Variants in ADAMTS18 observed in about 807,000 individuals in gnomAD.
ADAMTS18 encodes ADAM metallopeptidase with thrombospondin type 1 motif 18, also known as A disintegrin and metalloproteinase with thrombospondin motifs 18.
Under a neutral mutation model 165.9 loss-of-function variants are expected in ADAMTS18, and 157 were observed. That is an observed-to-expected ratio of 0.95 (90% CI 0.83 to 1.08). ADAMTS18 has a LOEUF of 1.08. Among genes scored for constraint, ADAMTS18 ranks in the 50% least tolerant of loss-of-function variants. The pLI, the probability that ADAMTS18 is intolerant of heterozygous loss-of-function variation, is 0.00. For synonymous variants in ADAMTS18, 782 were observed against 578.2 expected, an observed-to-expected ratio of 1.35 and a Z score of -5.06; for missense variants, 2,040 against 1,534.0, an observed-to-expected ratio of 1.33 and a Z score of -5.51.
At chr16:77,411,934 G>A (rs1984761) in intron 3 of ADAMTS18, among the ~76,000 whole-genome samples, 80,827 of 150,984 alleles carry the variant, frequency 0.54, 22,577 homozygotes, top group Middle Eastern at 0.68. Context: ...TGTTTCACCT[G>A]CCTTAGCCTC....
At chr16:77,402,564 A>G (rs185359939) in intron 3 of ADAMTS18, among the ~76,000 whole-genome samples, 206 of 152,318 alleles carry the variant, frequency 1.4e-3, no homozygotes, top group African/African-American at 4.5e-3. Flanking sequence ...CAACTCTGCG[A>G]GCAAATTTAA....
intron 22 of ADAMTS18, among the ~76,000 whole-genome samples, chr16:77,286,277 TCTGAAGGTGTTTTCCTATTTC>T (rs1269217093): frequency 6.6e-6 from 1 of 152,190 alleles, no homozygotes; most frequent in Non-Finnish European, 1.5e-5. Context: ...ATCATTATAA[TCTGAAGGTGTTTTCCTATTTC>T]CTCACCCCTT....
At chr16:77,413,193 T>C (rs977339646) in intron 3 of ADAMTS18, among the ~76,000 whole-genome samples, 1 of 152,090 alleles carries the variant, frequency 6.6e-6, no homozygotes, top group African/African-American at 2.4e-5. Context: ...ATTCTTTCTG[T>C]AGAATAAAGG....
At chr16:77,339,204 C>T (rs2056360478) in intron 11 of ADAMTS18, among the ~76,000 whole-genome samples, 1 of 151,126 alleles carries the variant, frequency 6.6e-6, no homozygotes, top group Admixed American at 6.6e-5. Flanking sequence ...AGTGATATCC[C>T]CTGGTGAAGG....
intron 19 of ADAMTS18, 56 bp from the exon 20 acceptor site, chr16:77,293,314 T>TAAAA: frequency 8.7e-7 from 1 of 1,145,008 alleles, no homozygotes; most frequent in Non-Finnish European, 1.3e-6. Context: ...GTAGCCACAT[T>TAAAA]AAAAAAAAAA....
chr16:77,434,454 T>C lies in ADAMTS18; in HGVS notation c.142A>G (p.Ser48Gly), dbSNP rs1271836008. ...CCGCTGGCGCCGCTGCTGCTGTCAC[T>C]GGCTAAGGCCGCGGCGACCGACGCA... is the stretch of plus-strand genomic sequence containing the variant. ...CCASVAAALA[S>G]DSSSGASGLN... Residue 48 changes from serine (S) to glycine (G), a missense_variant, in exon 2 of 23, where the codon AGT (serine) becomes GGT (glycine). Coordinates refer to ENST00000282849, the MANE Select transcript of ADAMTS18 (RefSeq NM_199355.4). 1 of 1,574,202 alleles carries C rather than the reference T, an allele frequency of 6.4e-7. No individual in the cohort carries two copies. The highest frequency in any genetic ancestry group is 8.6e-7 in the Non-Finnish European group (1 of 1,165,632).
intron 16 of ADAMTS18, 147 bp downstream of exon 16, chr16:77,319,702 C>A (rs2055953640): frequency 2.9e-6 from 4 of 1,362,950 alleles, no homozygotes; most frequent in Non-Finnish European, 3.1e-6. Flanking sequence ...CTCAGCCTCC[C>A]AAAGTGCTGG....
At position 77,300,373 on chromosome 16, in the gene ADAMTS18, G is replaced by C; in HGVS notation, c.2564C>G (p.Ala855Gly). The change falls in exon 17 of 23, where the codon GCT (alanine) becomes GGT (glycine). Residue 855 changes from alanine to glycine, a missense_variant. Physicochemically the swap from Ala to Gly is moderately conservative, Grantham distance 60. Coordinates refer to ENST00000282849, the MANE Select transcript of ADAMTS18 (RefSeq NM_199355.4). ...ILMQGKNPGI[A>G]WKYALPKVMN... ...GACCTTGGGAAGTGCATACTTCCAA[G>C]CTATCCCTGGATTTTTGCCTTGCAT... is the stretch of plus-strand genomic sequence containing the variant. The C allele has an allele frequency of 1.2e-6, 2 of 1,614,032 alleles. No individual in the cohort carries two copies. Among genetic ancestry groups the C allele is most frequent in the African/African-American group, 1.3e-5 (1 of 75,010 alleles).
intron 3 of ADAMTS18, among the ~76,000 whole-genome samples, chr16:77,422,042 C>T (rs1050287398): frequency 6.6e-6 from 1 of 152,128 alleles, no homozygotes; most frequent in Non-Finnish European, 1.5e-5. Flanking sequence ...ACACAACTTC[C>T]AGAAATAATA....
At chr16:77,363,047 G>C (rs934856475) in intron 6 of ADAMTS18, among the ~76,000 whole-genome samples, 1 of 152,110 alleles carries the variant, frequency 6.6e-6, no homozygotes, top group Non-Finnish European at 1.5e-5. Flanking sequence ...GTGTCTTCCT[G>C]CTTTTTATGT....
chr16:77,313,329 G>C (rs939843244), intron 16 of ADAMTS18, among the ~76,000 whole-genome samples: 7 of 151,994 alleles, frequency 4.6e-5, no homozygotes, highest in Admixed American at 2.6e-4. Flanking sequence ...AGCATTAGGA[G>C]ATATACCTAA....
chr16:77,291,238 G>C, intron 21 of ADAMTS18, 28 bp downstream of exon 21: 1 of 1,611,742 alleles, frequency 6.2e-7, no homozygotes, highest in South Asian at 1.1e-5. Flanking sequence ...CACTTGAATA[G>C]ACACCTCCTC....
At chr16:77,308,613 C>A (rs989735823) in intron 16 of ADAMTS18, among the ~76,000 whole-genome samples, 6 of 150,984 alleles carry the variant, frequency 4.0e-5, no homozygotes, top group Admixed American at 4.0e-4. Flanking sequence ...ACATTTTAAT[C>A]CTTATTGCCA....
intron 3 of ADAMTS18, among the ~76,000 whole-genome samples, chr16:77,397,729 T>C (rs1195460552): frequency 6.6e-6 from 1 of 152,238 alleles, no homozygotes; most frequent in East Asian, 1.9e-4. Context: ...AAATGTTGAG[T>C]AAGTTGCCCA....
chr16:77,416,144 G>T (rs1652659872), intron 3 of ADAMTS18, among the ~76,000 whole-genome samples: 1 of 152,136 alleles, frequency 6.6e-6, no homozygotes, highest in Non-Finnish European at 1.5e-5. Context: ...ATTCTGGAAT[G>T]ACAGTATTTG....
chr16:77,411,996 A>G (rs778460971), intron 3 of ADAMTS18, among the ~76,000 whole-genome samples: 23 of 152,050 alleles, frequency 1.5e-4, no homozygotes, highest in Middle Eastern at 6.8e-3. Context: ...CCAGTGCCCA[A>G]AGATTTAAGC....
At chr16:77,386,727 T>C (rs991045857) in intron 3 of ADAMTS18, among the ~76,000 whole-genome samples, 1 of 152,172 alleles carries the variant, frequency 6.6e-6, no homozygotes, top group African/African-American at 2.4e-5. Context: ...TTTCCTTCTC[T>C]TATAGCTGTC....
At chr16:77,361,671 G>A (rs1204508887) in intron 7 of ADAMTS18, among the ~76,000 whole-genome samples, 1 of 152,178 alleles carries the variant, frequency 6.6e-6, no homozygotes, top group Admixed American at 6.5e-5. Flanking sequence ...AACACCTGAG[G>A]TCAGGAGTTC....
intron 6 of ADAMTS18, 118 bp from the exon 7 acceptor site, chr16:77,362,382 A>T (rs991391507): frequency 6.2e-6 from 7 of 1,132,668 alleles, no homozygotes; most frequent in Non-Finnish European, 7.8e-6. Context: ...ATCAGTAAAC[A>T]CTTGAGCTAA....
Sources: allele counts gnomAD v4.1 joint callset (sites outside exome capture counted in the v4.1 genomes callset), GRCh38; gene constraint gnomAD v4.1.1; transcripts MANE v1.5; gene names NCBI Gene and HGNC (gene_info 2026-07-23, HGNC 2026-07-21).